The following ZNF536 variants were observed in gnomAD, a reference collection of about 807,000 sequenced individuals.
ZNF536 encodes the protein zinc finger protein 536.
ZNF536 carries 13 observed loss-of-function variants against 84.5 expected under a neutral mutation model. The ratio of observed to expected loss-of-function variants is 0.15; its 90% CI spans 0.10 to 0.24. ZNF536 has a LOEUF of 0.24. Ranked by LOEUF, ZNF536 falls within the 10% of genes least tolerant of loss-of-function variation. The pLI is 1.00. For synonymous variants in ZNF536, 811 were observed against 742.5 expected (o/e 1.09, Z -1.50); for missense variants, 1,536 against 1,747.5 (o/e 0.88, Z 2.16).
At chr19:30,398,261 A>T (rs965010014) in intron 1 of ZNF536, among the ~76,000 whole-genome samples, 3 of 152,042 alleles carry the variant, frequency 2.0e-5, no homozygotes, top group Non-Finnish European at 2.9e-5. Flanking sequence ...TTCCAGTTAT[A>T]TCCCCTCCGT....
At chr19:30,287,721 G>C (rs1198693185) in intron 2 of ZNF536, among the ~76,000 whole-genome samples, 1 of 147,892 alleles carries the variant, frequency 6.8e-6, no homozygotes, top group Non-Finnish European at 1.5e-5. Flanking sequence ...TGGATGGATG[G>C]GTGGGTGGGT....
intron 2 of ZNF536, among the ~76,000 whole-genome samples, chr19:30,324,213 T>G (rs2046949376): frequency 6.6e-6 from 1 of 151,480 alleles, no homozygotes; most frequent in Admixed American, 6.6e-5. Context: ...CATATATCCA[T>G]CATCATCTGT....
chr19:30,246,317 C>T (rs763993451), intron 1 of ZNF536, among the ~76,000 whole-genome samples: 21 of 152,076 alleles, frequency 1.4e-4, no homozygotes, highest in Admixed American at 2.6e-4. Context: ...CAACAACAAA[C>T]GAGAATTCTT....
chr19:30,375,880 CGTGT>C (rs745449576), intron 1 of ZNF536, among the ~76,000 whole-genome samples: 67 of 151,918 alleles, frequency 4.4e-4, no homozygotes, highest in Non-Finnish European at 7.5e-4. Flanking sequence ...CGTGTGTGTG[CGTGT>C]GTGTGTTAGG....
In ZNF536 at chr19:30,641,863, G is replaced by A. The variant is rs552737975; in HGVS notation, c.170-68894G>A. On this transcript the variant is annotated intron_variant, in intron 1 of 1. Transcript: ENST00000592773. ...AGGAGACCTAGAGGATGGCAGTAGA[G>A]TGGGGCAAGTCCTTGAAGGTGTTTG... Among the ~76,000 whole-genome samples the A allele has an allele frequency of 6.6e-4, 100 of 152,336 alleles. 1 individual carries two copies. Among genetic ancestry groups the A allele is most frequent in the Non-Finnish European group, 1.1e-3 (74 of 68,026 alleles).
intron 2 of ZNF536, among the ~76,000 whole-genome samples, chr19:30,465,241 C>T (rs955520640): frequency 6.6e-6 from 1 of 152,112 alleles, no homozygotes; most frequent in Admixed American, 6.5e-5. Context: ...CTCTCTCAGG[C>T]CTGCTCTCCC....
chr19:30,271,284 G>C (rs902872527), intron 1 of ZNF536, among the ~76,000 whole-genome samples: 3 of 120,116 alleles, frequency 2.5e-5, no homozygotes, highest in Middle Eastern at 4.7e-3. Context: ...AGCTTTCCCT[G>C]TGTTTTTTTC....
At chr19:30,274,761 C>G (rs1439915434) in intron 1 of ZNF536, among the ~76,000 whole-genome samples, 2 of 152,154 alleles carry the variant, frequency 1.3e-5, no homozygotes, top group Non-Finnish European at 2.9e-5. Flanking sequence ...TGATATTTAT[C>G]AAGCAGAATA....
chr19:30,586,024 C>G (rs1391762060), intron 1 of ZNF536, among the ~76,000 whole-genome samples: 1 of 152,222 alleles, frequency 6.6e-6, no homozygotes, highest in African/African-American at 2.4e-5. Context: ...TATACTTCCT[C>G]TAATCCCCCA....
intron 1 of ZNF536, among the ~76,000 whole-genome samples, chr19:30,399,677 ATG>A (rs1169742721): frequency 8.4e-5 from 9 of 107,108 alleles, no homozygotes; most frequent in South Asian, 3.9e-4. Context: ...TAAATAAGAA[ATG>A]TTTTTTTTTT....
At chr19:30,567,929 C>T (rs528147363) in intron 1 of ZNF536, among the ~76,000 whole-genome samples, 2 of 152,242 alleles carry the variant, frequency 1.3e-5, no homozygotes, top group Non-Finnish European at 2.9e-5. Flanking sequence ...TGTCACTCCC[C>T]GATAGCCAGA....
At chr19:30,620,845 A>C (rs923033179) in intron 1 of ZNF536, among the ~76,000 whole-genome samples, 1 of 152,080 alleles carries the variant, frequency 6.6e-6, no homozygotes, top group Non-Finnish European at 1.5e-5. Context: ...TTGAATCCTC[A>C]TAATAATGTG....
At chr19:30,474,209 G>T (rs1363214484) in intron 2 of ZNF536, among the ~76,000 whole-genome samples, 2 of 152,158 alleles carry the variant, frequency 1.3e-5, no homozygotes, top group East Asian at 3.9e-4. Context: ...AATGTGCTGG[G>T]AACCCTGGAA....
At chr19:30,483,961 T>C (rs961607550) in intron 2 of ZNF536, among the ~76,000 whole-genome samples, 2 of 152,038 alleles carry the variant, frequency 1.3e-5, no homozygotes, top group African/African-American at 4.8e-5. Context: ...CTCTCTCTAC[T>C]GGAAATCCCC....
In ZNF536 at chr19:30,547,826, C is replaced by G. The variant is rs923298161; in HGVS notation, c.2324-117C>G. 14 of 1,178,726 alleles carry G rather than the reference C, an allele frequency of 1.2e-5. No homozygotes were observed. In the African/African-American group the frequency reaches 1.5e-4, roughly 13 times the overall value. The allele number at this position is 1,178,726 out of a possible 1,614,324, so 73.0% of individuals were successfully genotyped here. ...TCTTCTATTAAAAAACAGTTGTTCT[C>G]TAATTATTAGTTTGAGCTGCTTTGT... On this transcript the variant is annotated intron_variant, in intron 3 of 4. Coordinates refer to ENST00000355537, the MANE Select transcript of ZNF536 (RefSeq NM_014717.3).
chr19:30,247,896 T>A (rs1399472512), intron 1 of ZNF536, among the ~76,000 whole-genome samples: 1 of 152,208 alleles, frequency 6.6e-6, no homozygotes, highest in Non-Finnish European at 1.5e-5. Flanking sequence ...TCCTTGGTTT[T>A]CTCCAGATTG....
chr19:30,424,151 G>C (rs1332577064), intron 1 of ZNF536, among the ~76,000 whole-genome samples: 3 of 152,272 alleles, frequency 2.0e-5, no homozygotes, highest in East Asian at 1.9e-4. Context: ...CTTTCTCTCT[G>C]TAACTCTCCA....
At chr19:30,432,006 T>TACAC (rs1555757391) in intron 1 of ZNF536, among the ~76,000 whole-genome samples, 139 of 145,062 alleles carry the variant, frequency 9.6e-4, no homozygotes, top group East Asian at 8.4e-3. Context: ...TATATATATA[T>TACAC]ACACACACAC....
intron 1 of ZNF536, among the ~76,000 whole-genome samples, chr19:30,663,269 G>A (rs1483213802): frequency 2.0e-5 from 3 of 152,018 alleles, no homozygotes; most frequent in Non-Finnish European, 4.4e-5. Flanking sequence ...CAAACCCCCT[G>A]AGTGAAATAA....
Sources: allele counts gnomAD v4.1 joint callset (sites outside exome capture counted in the v4.1 genomes callset), GRCh38; gene constraint gnomAD v4.1.1; transcripts MANE v1.5; gene names NCBI Gene and HGNC (gene_info 2026-07-23, HGNC 2026-07-21).